The following BIN1 variants were observed in gnomAD, a reference collection of about 807,000 sequenced individuals.
BIN1 encodes bridging integrator 1.
A neutral mutation model predicts 82.0 loss-of-function variants in BIN1; 53 were observed. That is an observed-to-expected ratio of 0.65 (90% CI 0.52 to 0.81). The LOEUF (loss-of-function observed/expected upper bound fraction) is 0.81. BIN1 is among the 40% of genes least tolerant of loss of function. The probability of loss-of-function intolerance (pLI) is 0.00; values close to 1 mark genes in which losing one functional copy is unlikely to be tolerated. For missense variants in BIN1, 642 were observed against 784.4 expected (o/e 0.82, Z 2.17); for synonymous variants, 302 against 328.0 (o/e 0.92, Z 0.86).
chr2:127,106,897 C>G lies in BIN1; in HGVS notation c.47G>C (p.Ser16Thr). The change falls in exon 1 of 19, where the codon AGC becomes ACC. Residue 16 changes from serine (S) to threonine (T), a missense_variant. Physicochemically the swap from Ser to Thr is moderately conservative, Grantham distance 58 (BLOSUM62 1). Coordinates refer to ENST00000316724, the MANE Select transcript of BIN1 (RefSeq NM_139343.3). ...SKGVTAGKIA[S>T]NVQKKLTRAQ... ...GCGGGTGAGCTTCTTCTGCACGTTG[C>G]TGGCGATCTTTCCCGCCGTCACCCC... 1 of 1,612,554 alleles carries G rather than the reference C, an allele frequency of 6.2e-7. No individual in the cohort carries two copies. Among genetic ancestry groups the G allele is most frequent in the Non-Finnish European group, 8.5e-7 (1 of 1,179,642 alleles).
Position 127,068,786 on chromosome 2 carries a change from C to T in BIN1, c.519+138G>A, listed in dbSNP as rs1327657183. The T allele has an allele frequency of 9.7e-6, 8 of 823,626 alleles. No individual in the cohort carries two copies. The highest frequency in any genetic ancestry group is 1.6e-5 in the Non-Finnish European group (8 of 497,128). 51.0% of individuals were successfully genotyped at this position (823,626 alleles called of 1,614,324 possible). The stretch of plus-strand genomic sequence containing the variant: ...CCCACAAGGGCCTCTCACTCACCGG[C>T]CTGGGCCCTGTATCGTCCCCACCCC... On this transcript the variant is annotated intron_variant, in intron 6 of 18. Transcript: ENST00000316724. The surrounding 1 kb of genome is among the most constrained non-coding windows in gnomAD (Gnocchi z 4.9).
At chr2:127,074,969 G>A (rs1686403301) in intron 2 of BIN1, among the ~76,000 whole-genome samples, 1 of 152,160 alleles carries the variant, frequency 6.6e-6, no homozygotes, top group Admixed American at 6.5e-5. Flanking sequence ...CCAAAGTGCT[G>A]GGATTACAGG....
At chr2:127,062,887 G>A (rs1403790408) in intron 9 of BIN1, among the ~76,000 whole-genome samples, 1 of 152,214 alleles carries the variant, frequency 6.6e-6, no homozygotes, top group Non-Finnish European at 1.5e-5. Flanking sequence ...ACCGTACTTA[G>A]AAGTGTGAGT....
Position 127,063,619 on chromosome 2 carries a change from G to A in BIN1, c.726C>T (p.Phe242=), listed in dbSNP as rs1558820517. 1 of 1,613,950 alleles carries A rather than the reference G, an allele frequency of 6.2e-7. No individual in the cohort carries two copies. The highest frequency in any genetic ancestry group is 1.7e-5 in the Admixed American group (1 of 59,984). Residue 242 remains phenylalanine, a synonymous_variant, in exon 9 of 19, where the codon TTC becomes TTT. Coordinates refer to ENST00000316724, the MANE Select transcript of BIN1 (RefSeq NM_139343.3). ...TTTCCTCCAGGCCCGCGATGCTCTG[G>A]AACGTGTTGACGTAGAAACCTACGC... The part of the protein sequence containing the change: ...NSRVGFYVNT[F]QSIAGLEENF...
At chr2:127,084,672 C>G (rs1433843330) in intron 1 of BIN1, among the ~76,000 whole-genome samples, 1 of 152,256 alleles carries the variant, frequency 6.6e-6, no homozygotes, top group Non-Finnish European at 1.5e-5. Context: ...GGATTTGGCT[C>G]TGCAGCGAAG....
chr2:127,057,463 C>T lies in BIN1; in HGVS notation c.1131+10G>A, dbSNP rs1289102269. The T allele has an allele frequency of 5.2e-6, 8 of 1,543,828 alleles. No homozygotes were observed. The highest frequency in any genetic ancestry group is 1.4e-5 in the African/African-American group (1 of 72,976). On this transcript the variant is annotated intron_variant, in intron 12 of 18. Transcript: ENST00000316724. This position sits in a 1 kb window ranked among gnomAD's most constrained non-coding sequence, Gnocchi z 5.0. The stretch of plus-strand genomic sequence containing the variant: ...GAGAGGAGAGCTGGGCCGCGGCGGC[C>T]GCGGCTGACCTGGGAGGGGGTGGTC...
chr2:127,050,526 C>G lies in BIN1; in HGVS notation c.1573-4G>C, dbSNP rs1401066583. The G allele has an allele frequency of 6.2e-7, 1 of 1,614,200 alleles. No homozygotes were observed. ...TGTAGTCGTGCTGGGCCTGTACCTG[C>G]AGAGGATGCGGATCGCAAGTCAGAC... is the stretch of plus-strand genomic sequence containing the variant. On this transcript the variant is annotated splice_polypyrimidine_tract_variant and splice_region_variant and intron_variant, in intron 17 of 18. Coordinates refer to ENST00000316724, the MANE Select transcript of BIN1 (RefSeq NM_139343.3).
Position 127,090,379 on chromosome 2 carries a change from G to A in BIN1, c.85-13673C>T, listed in dbSNP as rs1040911232. On this transcript the variant is annotated intron_variant, in intron 1 of 18. Transcript: ENST00000316724. This position sits in a 1 kb window ranked among gnomAD's most constrained non-coding sequence, Gnocchi z 6.4. ...GCAGGCAGGCAGCAAGGGCATGGCC[G>A]CGGGGCATCAGTGACACAGGGCGAC... Among the ~76,000 whole-genome samples the A allele has an allele frequency of 1.3e-5, 2 of 152,234 alleles. No homozygotes were observed. The highest frequency in any genetic ancestry group is 4.8e-5 in the African/African-American group (2 of 41,462).
rs183749238 is a variant in BIN1 at position 127,095,453 on chromosome 2, T to C, written c.84+11407A>G. 4.2e-4 allele frequency among the ~76,000 whole-genome samples: 64 copies of C among 152,330 alleles called. 1 individual carries two copies. In the East Asian group the frequency reaches 0.012, roughly 28 times the overall value. ...AAGGGCCTGGCTCTGTGGGTTCACC[T>C]TCCCTTTGGTGTGCCAGCCTCCTGG... On this transcript the variant is annotated intron_variant, in intron 1 of 18. Transcript: ENST00000316724.
chr2:127,064,131 G>A, intron 7 of BIN1, 113 bp from the exon 8 acceptor site: 5 of 1,250,814 alleles, frequency 4.0e-6, no homozygotes, highest in Admixed American at 1.9e-5. Context: ...TGGGACCAGG[G>A]CTCCGGGCAA....
intron 1 of BIN1, among the ~76,000 whole-genome samples, chr2:127,079,914 G>A (rs1037711676): frequency 6.6e-6 from 1 of 152,220 alleles, no homozygotes; most frequent in Non-Finnish European, 1.5e-5. Context: ...GCCCTGAGGG[G>A]TGACAGCAAG....
At chr2:127,086,514 T>C (rs1678182158) in intron 1 of BIN1, among the ~76,000 whole-genome samples, 1 of 146,608 alleles carries the variant, frequency 6.8e-6, no homozygotes, top group Non-Finnish European at 1.5e-5. Context: ...TTTTTTTCTT[T>C]TTTTTTTTTT....
At chr2:127,076,835 G>A (rs1686677849) in intron 1 of BIN1, 129 bp from the exon 2 acceptor site, 2 of 1,055,106 alleles carry the variant, frequency 1.9e-6, no homozygotes, top group African/African-American at 1.6e-5. Context: ...CCAGCCCAGG[G>A]TGCCCACCCA....
At position 127,107,035 on chromosome 2, in the gene BIN1, C is replaced by T. The variant is rs1388424985; in HGVS notation, c.-92G>A. ...CCAGCCCCCAGCCCCGGCCGCGCGT[C>T]CAGACCGGCTGCCGCTCCACGCCGC... On this transcript the variant is annotated 5_prime_UTR_variant, in exon 1 of 19. Transcript: ENST00000316724. The surrounding 1 kb of genome is among the most constrained non-coding windows in gnomAD (Gnocchi z 5.9). 4 of 1,282,516 alleles carry T rather than the reference C, an allele frequency of 3.1e-6. No individual in the cohort carries two copies. The highest frequency in any genetic ancestry group is 4.0e-6 in the Non-Finnish European group (4 of 991,332). 79.4% of individuals were successfully genotyped at this position (1,282,516 alleles called of 1,614,324 possible).
At chr2:127,058,652 C>A (rs2104947824) in intron 11 of BIN1, among the ~76,000 whole-genome samples, 1 of 152,248 alleles carries the variant, frequency 6.6e-6, no homozygotes, top group South Asian at 2.1e-4. Context: ...GGACAGGCAG[C>A]CCACTCTGGA....
At chr2:127,088,049 C>A (rs1418160896) in intron 1 of BIN1, among the ~76,000 whole-genome samples, 1 of 152,194 alleles carries the variant, frequency 6.6e-6, no homozygotes, top group African/African-American at 2.4e-5. Context: ...AAGAAAGGAA[C>A]CTTCCACCAG....
intron 1 of BIN1, among the ~76,000 whole-genome samples, chr2:127,094,480 G>A (rs10207708): frequency 0.21 from 31,523 of 152,082 alleles, 3,447 homozygotes; most frequent in Middle Eastern, 0.28. Flanking sequence ...AGGAGGGAGA[G>A]CAGGAGCAGG....
chr2:127,084,704 G>A (rs1487678273), intron 1 of BIN1, among the ~76,000 whole-genome samples: 1 of 152,236 alleles, frequency 6.6e-6, no homozygotes, highest in Non-Finnish European at 1.5e-5. Flanking sequence ...CTCAGATTCT[G>A]TGGCTTTGTG....
intron 1 of BIN1, among the ~76,000 whole-genome samples, chr2:127,103,678 C>G (rs564604017): frequency 1.8e-4 from 28 of 152,318 alleles, no homozygotes; most frequent in African/African-American, 6.5e-4. Flanking sequence ...GATCCCCACC[C>G]CCTCAGCTGT....
Sources: gnomAD v4.1 joint callset for allele counts (sites outside exome capture counted in the v4.1 genomes callset) on GRCh38, gnomAD v4.1.1 for gene constraint, Gnocchi (gnomAD v3.1) non-coding constraint, MANE v1.5 for transcripts, NCBI Gene and HGNC (gene_info 2026-07-23, HGNC 2026-07-21) for gene names.